The following MARCHF1 variants were observed in gnomAD, a reference collection of about 807,000 sequenced individuals.
The protein encoded by MARCHF1 is membrane associated ring-CH-type finger 1.
A neutral mutation model predicts 54.2 loss-of-function variants in MARCHF1; 40 were observed. That is an observed-to-expected ratio of 0.74 (90% CI 0.57 to 0.96). The LOEUF (loss-of-function observed/expected upper bound fraction) is 0.96, where lower values mean the gene tolerates loss of function less well. Among genes scored for constraint, MARCHF1 ranks in the 40% least tolerant of loss-of-function variants. The probability of loss-of-function intolerance (pLI) is 0.00; values close to 1 mark genes in which losing one functional copy is unlikely to be tolerated. For missense variants in MARCHF1, 586 were observed against 656.5 expected, an observed-to-expected ratio of 0.89 and a Z score of 1.17; for synonymous variants, 236 against 236.3, an observed-to-expected ratio of 1.00 and a Z score of 0.01.
intron 4 of MARCHF1, among the ~76,000 whole-genome samples, chr4:163,704,519 T>G (rs1178119237): frequency 6.6e-6 from 1 of 151,708 alleles, no homozygotes. Context: ...AACAAATATG[T>G]CCAAGTAGAG....
intron 2 of MARCHF1, among the ~76,000 whole-genome samples, chr4:164,072,096 A>T (rs920969556): frequency 1.3e-5 from 2 of 152,238 alleles, no homozygotes; most frequent in Non-Finnish European, 2.9e-5. Flanking sequence ...CAAAATGACA[A>T]TGAGTCATTT....
intron 2 of MARCHF1, among the ~76,000 whole-genome samples, chr4:164,046,510 C>T (rs903770944): frequency 1.3e-5 from 2 of 152,032 alleles, no homozygotes; most frequent in South Asian, 4.1e-4. Context: ...TCTTAAATGA[C>T]CAATGTGAAT....
chr4:163,866,215 C>T (rs1750044079), intron 3 of MARCHF1, among the ~76,000 whole-genome samples: 1 of 150,948 alleles, frequency 6.6e-6, no homozygotes, highest in Admixed American at 6.6e-5. Flanking sequence ...AACTTTTTTA[C>T]CTATTTTTAA....
At chr4:163,557,730 A>G (rs987470209) in intron 8 of MARCHF1, among the ~76,000 whole-genome samples, 7 of 152,156 alleles carry the variant, frequency 4.6e-5, no homozygotes, top group African/African-American at 1.2e-4. Context: ...TATATCCTTC[A>G]TTCCCACTTA....
chr4:164,027,373 A>AC, intron 2 of MARCHF1, among the ~76,000 whole-genome samples: 2 of 137,418 alleles, frequency 1.5e-5, no homozygotes, highest in Non-Finnish European at 3.1e-5. Context: ...AAAAAAAAAA[A>AC]AAAAAAAAAA....
At chr4:163,583,795 T>A (rs10025792) in intron 8 of MARCHF1, 6 of 150,728 alleles carry the variant, frequency 4.0e-5, no homozygotes, top group Non-Finnish European at 8.9e-5. Context: ...AACTACAGGT[T>A]TGTGCTACCA....
intron 1 of MARCHF1, chr4:164,196,867 TAC>T: frequency 9.7e-7 from 1 of 1,030,158 alleles, no homozygotes; most frequent in Non-Finnish European, 1.5e-6. Flanking sequence ...ACAGCAATGT[TAC>T]AATCAGAAAA....
At chr4:163,793,398 G>A (rs1747822765) in intron 4 of MARCHF1, among the ~76,000 whole-genome samples, 1 of 152,132 alleles carries the variant, frequency 6.6e-6, no homozygotes, top group African/African-American at 2.4e-5. Context: ...AACAAAGATA[G>A]GGCCTCAAAG....
At chr4:163,634,215 C>T (rs1364802888) in intron 5 of MARCHF1, among the ~76,000 whole-genome samples, 2 of 151,818 alleles carry the variant, frequency 1.3e-5, no homozygotes, top group Admixed American at 1.3e-4. Context: ...CAGCTAACAT[C>T]ATCATGACAG....
intron 3 of MARCHF1, among the ~76,000 whole-genome samples, chr4:163,973,454 A>G (rs770736314): frequency 6.6e-6 from 1 of 152,230 alleles, no homozygotes; most frequent in African/African-American, 2.4e-5. Flanking sequence ...TTTTCAAGAA[A>G]AGCAAAAGGG....
chr4:164,065,764 A>T (rs1465813287), intron 2 of MARCHF1, among the ~76,000 whole-genome samples: 2 of 152,176 alleles, frequency 1.3e-5, no homozygotes, highest in African/African-American at 4.8e-5. Context: ...AAGGCTTGAG[A>T]GCCCCAGGCA....
chr4:163,970,895 G>A (rs1247844593), intron 3 of MARCHF1, among the ~76,000 whole-genome samples: 1 of 152,020 alleles, frequency 6.6e-6, no homozygotes, highest in East Asian at 1.9e-4. Context: ...CTACCTTGGT[G>A]GCCCATTTCT....
rs77098717 is a variant in MARCHF1, at chr4:163,797,598, C to T, written c.111+56423G>A. Among the ~76,000 whole-genome samples, 1,421 of 152,084 alleles carry T rather than the reference C, an allele frequency of 9.3e-3. 12 individuals carry two copies. Among genetic ancestry groups the T allele is most frequent in the South Asian group, 0.03 (146 of 4,816 alleles). On this transcript the variant is annotated intron_variant, in intron 4 of 9. Transcript: ENST00000514618. ...TTTACATTAATTTTGCTCTGTACTACATTTCAGATATTTGGTTTGATACTC... is the reference window on the plus strand; with the variant it reads ...TTTACATTAATTTTGCTCTGTACTATATTTCAGATATTTGGTTTGATACTC...
chr4:163,979,975 C>G (rs1463835443), intron 3 of MARCHF1, among the ~76,000 whole-genome samples: 1 of 152,050 alleles, frequency 6.6e-6, no homozygotes, highest in Non-Finnish European at 1.5e-5. Context: ...TGTAGGTTGC[C>G]TGTTCACTAA....
At chr4:163,693,559 T>A (rs1338437703) in intron 5 of MARCHF1, among the ~76,000 whole-genome samples, 1 of 151,350 alleles carries the variant, frequency 6.6e-6, no homozygotes, top group East Asian at 2.0e-4. Flanking sequence ...CAATGTGGGC[T>A]CTCTGTCAAA....
At chr4:163,529,162 A>G in intron 9 of MARCHF1, 116 bp from the exon 10 acceptor site, 2 of 696,338 alleles carry the variant, frequency 2.9e-6, no homozygotes, top group South Asian at 2.0e-5. Flanking sequence ...ATGTATGTTA[A>G]CAGAAATAAT....
chr4:164,016,029 C>T (rs996011233), intron 2 of MARCHF1, among the ~76,000 whole-genome samples: 6 of 152,088 alleles, frequency 3.9e-5, no homozygotes, highest in African/African-American at 1.4e-4. Context: ...CAGGAGTACC[C>T]ACAACAGCTA....
At chr4:163,887,008 C>A (rs1750552833) in intron 3 of MARCHF1, among the ~76,000 whole-genome samples, 1 of 152,130 alleles carries the variant, frequency 6.6e-6, no homozygotes, top group African/African-American at 2.4e-5. Context: ...TCTGGACCCC[C>A]ATTTCCAACT....
intron 3 of MARCHF1, among the ~76,000 whole-genome samples, chr4:163,902,947 ACAT>A (rs1750973974): frequency 6.6e-6 from 1 of 152,080 alleles, no homozygotes. Context: ...TTCGAGAGGC[ACAT>A]CATCGTCTCC....
Sources: allele counts gnomAD v4.1 joint callset (sites outside exome capture counted in the v4.1 genomes callset), GRCh38; gene constraint gnomAD v4.1.1; transcripts MANE v1.5; gene names NCBI Gene and HGNC (gene_info 2026-07-23, HGNC 2026-07-21).